EIF5B: variants seen among roughly 807,000 people sequenced by gnomAD.
The protein encoded by EIF5B is eIF-5B.
EIF5B carries 47 observed loss-of-function variants against 147.5 expected under a neutral mutation model. The ratio of observed to expected loss-of-function variants is 0.32; its 90% CI spans 0.25 to 0.41. The LOEUF is 0.41. Among genes scored for constraint, EIF5B ranks in the 10% least tolerant of loss-of-function variants. EIF5B has a pLI of 1.00. For synonymous variants in EIF5B, 455 were observed against 456.2 expected (o/e 1.00, Z 0.03); for missense variants, 1,064 against 1,413.2 (o/e 0.75, Z 3.96).
At chr2:99,397,925 C>G (rs941970573) in intron 22 of EIF5B, 2 of 143,864 alleles carry the variant, frequency 1.4e-5, no homozygotes, top group East Asian at 3.9e-4. Context: ...GTCATAGACT[C>G]AGTGGGTTTT....
At chr2:99,371,350 C>CAAAAAATTA (rs2104202097) in intron 8 of EIF5B, among the ~76,000 whole-genome samples, 1 of 151,924 alleles carries the variant, frequency 6.6e-6, no homozygotes, top group African/African-American at 2.4e-5. Context: ...TAGCTGGCCA[C>CAAAAAATTA]GGTGGCGGGC....
In EIF5B at chr2:99,399,628, T is replaced by C; in HGVS notation, c.*214T>C. 4.1e-6 allele frequency: 2 copies of C among 493,148 alleles called. No homozygotes were observed. Among genetic ancestry groups the C allele is most frequent in the South Asian group, 4.5e-5 (2 of 44,114 alleles). 30.5% of individuals were successfully genotyped at this position (493,148 alleles called of 1,614,324 possible). A position where few individuals can be genotyped will look rare whatever the true frequency, so the allele number is the denominator to read the frequency against. On this transcript the variant is annotated 3_prime_UTR_variant, in exon 24 of 24. Coordinates refer to ENST00000289371, the MANE Select transcript of EIF5B (RefSeq NM_015904.4). ...GTTACATGTCCCCACAGTTCCAATG[T>C]GCCTGTTCACTCACCTCTCCCTTCC...
At position 99,337,483 on chromosome 2, in the gene EIF5B, G is replaced by C. The variant is rs890453883; in HGVS notation, c.-72G>C. On this transcript the variant is annotated 5_prime_UTR_variant, in exon 1 of 24. Coordinates refer to ENST00000289371, the MANE Select transcript of EIF5B (RefSeq NM_015904.4). ...GGAAAAGAGCTGAGCGGAGACCAAA[G>C]TCAGCCGGGAGACAGTGGGTCTGTG... 3 of 1,575,680 alleles carry C rather than the reference G, an allele frequency of 1.9e-6. No homozygotes were observed. Among genetic ancestry groups the C allele is most frequent in the Non-Finnish European group, 2.6e-6 (3 of 1,160,086 alleles).
chr2:99,373,948 GGACTTTA>G (rs1339535119), intron 9 of EIF5B, among the ~76,000 whole-genome samples: 4 of 151,970 alleles, frequency 2.6e-5, no homozygotes, highest in Non-Finnish European at 5.9e-5. Flanking sequence ...AACAATGCAG[GGACTTTA>G]GAGTACTTGA....
intron 1 of EIF5B, among the ~76,000 whole-genome samples, chr2:99,339,448 G>A (rs1340119540): frequency 6.6e-6 from 1 of 151,900 alleles, no homozygotes; most frequent in Non-Finnish European, 1.5e-5. Context: ...TTCCCTGATT[G>A]TCTTATTACA....
rs1269692465 is a variant in EIF5B, at chr2:99,363,765, C to T, written c.1040C>T (p.Ala347Val). The T allele has an allele frequency of 5.6e-6, 9 of 1,613,774 alleles. No homozygotes were observed. The Admixed American group carries it at 1.5e-4, about 27-fold the overall frequency. ...SKATVKAMQE[A>V]LAKLKEEEER... ...GCCACTGTTAAAGCTATGCAAGAAG[C>T]TCTGGCTAAGCTTAAAGAGGAAGAA... Residue 347 changes from alanine to valine, a missense_variant, in exon 5 of 24, where the codon GCT becomes GTT. Physicochemically the swap from Ala to Val is moderately conservative, Grantham distance 64. Around this residue, in one of 4 missense-constraint regions of EIF5B, gnomAD observed 458 missense variants for 451.3 expected, o/e 1.01. Transcript: ENST00000289371.
chr2:99,343,211 T>G (rs1202682837), intron 1 of EIF5B, among the ~76,000 whole-genome samples: 1 of 151,140 alleles, frequency 6.6e-6, no homozygotes, highest in Non-Finnish European at 1.5e-5. Context: ...CCGTCTTGGC[T>G]TCCCAAAGTG....
At chr2:99,357,680 C>T (rs1370340484) in intron 1 of EIF5B, among the ~76,000 whole-genome samples, 2 of 151,994 alleles carry the variant, frequency 1.3e-5, no homozygotes, top group Non-Finnish European at 2.9e-5. Context: ...GGGTGAGGGC[C>T]GATAAATTTT....
intron 22 of EIF5B, chr2:99,397,717 A>G (rs1360412008): frequency 6.6e-6 from 1 of 152,196 alleles, no homozygotes. Context: ...TTGCCCCTTT[A>G]TAATTACTCT....
Position 99,401,254 on chromosome 2 carries a change from A to T in EIF5B, c.*1840A>T. On this transcript the variant is annotated 3_prime_UTR_variant, in exon 24 of 24. Coordinates refer to ENST00000289371, the MANE Select transcript of EIF5B (RefSeq NM_015904.4). Reference sequence around the variant, plus strand: ...CTCTGGTAATATTTATGTAACTTTTAATGTGCTTCCATAAGTTTGTTGTAA... The same window carrying T: ...CTCTGGTAATATTTATGTAACTTTTTATGTGCTTCCATAAGTTTGTTGTAA... 1 of 1,604,012 alleles carries T rather than the reference A, an allele frequency of 6.2e-7. No individual in the cohort carries two copies. The highest frequency in any genetic ancestry group is 8.5e-7 in the Non-Finnish European group (1 of 1,170,874).
chr2:99,398,288 G>GTT (rs779602604), intron 22 of EIF5B: 1 of 152,922 alleles, frequency 6.5e-6, no homozygotes, highest in Non-Finnish European at 1.5e-5. Context: ...AGGAGTCAGG[G>GTT]TTTTTTGCCC....
In EIF5B at chr2:99,400,631, G is replaced by T. The variant is rs1487339183; in HGVS notation, c.*1217G>T. ...AGACAACACCACCTCTGATCTACGG[G>T]ACATAATGTTCCCAGGAAAAAAATC... On this transcript the variant is annotated 3_prime_UTR_variant, in exon 24 of 24. Transcript: ENST00000289371. 1 of 152,140 alleles carries T rather than the reference G, an allele frequency of 6.6e-6. No homozygotes were observed. Among genetic ancestry groups the T allele is most frequent in the African/African-American group, 2.4e-5 (1 of 41,410 alleles). 9.4% of individuals were successfully genotyped at this position (152,140 alleles called of 1,614,324 possible). A position where few individuals can be genotyped will look rare whatever the true frequency, so the allele number is the denominator to read the frequency against.
At chr2:99,374,461 G>A (rs1674523231) in intron 9 of EIF5B, among the ~76,000 whole-genome samples, 1 of 151,906 alleles carries the variant, frequency 6.6e-6, no homozygotes, top group Non-Finnish European at 1.5e-5. Context: ...TTCCATTTGA[G>A]ATCATTTCTT....
At chr2:99,346,751 T>C (rs970441945) in intron 1 of EIF5B, among the ~76,000 whole-genome samples, 1 of 151,854 alleles carries the variant, frequency 6.6e-6, no homozygotes, top group Non-Finnish European at 1.5e-5. Context: ...TTTGTATTTT[T>C]AGTAGAGACG....
chr2:99,397,821 T>C (rs977644480), intron 22 of EIF5B: 3 of 152,192 alleles, frequency 2.0e-5, no homozygotes, highest in Non-Finnish European at 4.4e-5. Context: ...AAGCGTTGCC[T>C]AAGTCAACTA....
intron 1 of EIF5B, among the ~76,000 whole-genome samples, chr2:99,359,960 C>CTTT (rs1674173521): frequency 6.6e-6 from 1 of 152,146 alleles, no homozygotes; most frequent in African/African-American, 2.4e-5. Flanking sequence ...CCTTTGGTAT[C>CTTT]TGTAAAAGTT....
Position 99,379,340 on chromosome 2 carries a change from A to T in EIF5B, c.1973A>T (p.Asp658Val), listed in dbSNP as rs778611696. The change falls in exon 12 of 24, where the codon GAT (aspartate) becomes GTT (valine). Residue 658 changes from aspartate to valine, a missense_variant. Transcript: ENST00000289371. ...TAGCTCCGTCACACACATGTACAAGATGGTGAAGCAGGTGGTATCACACAA... is the reference window on the plus strand; with the variant it reads ...TAGCTCCGTCACACACATGTACAAGTTGGTGAAGCAGGTGGTATCACACAA... ...LDKLRHTHVQ[D>V]GEAGGITQQI... is the part of the protein sequence containing the mutation. 1 of 1,613,678 alleles carries T rather than the reference A, an allele frequency of 6.2e-7. No individual in the cohort carries two copies. The highest frequency in any genetic ancestry group is 1.3e-5 in the African/African-American group (1 of 75,028).
chr2:99,373,610 A>G (rs1251830417), intron 9 of EIF5B, among the ~76,000 whole-genome samples: 5 of 152,200 alleles, frequency 3.3e-5, no homozygotes, highest in Non-Finnish European at 7.4e-5. Flanking sequence ...TTTACAAATC[A>G]CAGCTAGGAT....
intron 1 of EIF5B, among the ~76,000 whole-genome samples, chr2:99,359,442 C>CAA (rs1258944117): frequency 1.3e-5 from 2 of 152,046 alleles, no homozygotes; most frequent in African/African-American, 2.4e-5. Context: ...ATTATAAAGG[C>CAA]CACATTACAT....
Sources: allele counts gnomAD v4.1 joint callset (sites outside exome capture counted in the v4.1 genomes callset), GRCh38; gene constraint gnomAD v4.1.1; regional missense constraint gnomAD v4.1.1; transcripts MANE v1.5; gene names NCBI Gene and HGNC (gene_info 2026-07-23, HGNC 2026-07-21).